Variants in SV2B observed in about 807,000 individuals in gnomAD.
SV2B encodes solute carrier family 22 member B2.
Under a neutral mutation model 73.9 loss-of-function variants are expected in SV2B, and 41 were observed. The ratio of observed to expected loss-of-function variants is 0.56; its 90% confidence interval spans 0.43 to 0.72. SV2B has a LOEUF of 0.72. Among genes scored for constraint, SV2B ranks in the 30% least tolerant of loss-of-function variants. The pLI, the probability that SV2B is intolerant of heterozygous loss-of-function variation, is 0.00. For missense variants in SV2B, 764 were observed against 857.8 expected (o/e 0.89, Z 1.37); for synonymous variants, 314 against 314.2 (o/e 1.00, Z 0.01).
rs1389096163 is a variant in SV2B at position 91,130,108 on chromosome 15, T to C, written c.-392+29745T>C. ...CGTGCCAAGGCCTGAACCTGAACAG[T>C]GGTAGGAGAAAGGAAAGGAGAGATG... is the stretch of plus-strand genomic sequence containing the variant. On this transcript the variant is annotated intron_variant, in intron 1 of 12. Transcript: ENST00000394232. The surrounding 1 kb of genome is among the most constrained non-coding windows in gnomAD (Gnocchi z 5.6). Among the ~76,000 whole-genome samples, 1 of 151,414 alleles carries C rather than the reference T, an allele frequency of 6.6e-6. No individual in the cohort carries two copies. The highest frequency in any genetic ancestry group is 2.4e-5 in the African/African-American group (1 of 40,992).
At position 91,251,901 on chromosome 15, in the gene SV2B, C is replaced by T; in HGVS notation, c.534C>T (p.Leu178=). Reference sequence around the variant, plus strand: ...ATAAGCTGGGAAGGAAGCGAGTCCTCAGCATGTCTCTGGCCGTCAATGCCT... The same window carrying T: ...ATAAGCTGGGAAGGAAGCGAGTCCTTAGCATGTCTCTGGCCGTCAATGCCT... ...LADKLGRKRV[L]SMSLAVNASF... is the part of the protein sequence containing the mutation. The change falls in exon 3 of 13, where the codon CTC becomes CTT. Residue 178 remains leucine, a synonymous_variant. Transcript: ENST00000394232. 1 of 1,614,186 alleles carries T rather than the reference C, an allele frequency of 6.2e-7. No homozygotes were observed. Among genetic ancestry groups the T allele is most frequent in the Non-Finnish European group, 8.5e-7 (1 of 1,180,032 alleles).
chr15:91,194,390 G>T (rs1306927927), intron 1 of SV2B, among the ~76,000 whole-genome samples: 2 of 152,172 alleles, frequency 1.3e-5, no homozygotes, highest in Non-Finnish European at 2.9e-5. Flanking sequence ...GCATAATTGG[G>T]TTGCTTCCAG....
At position 91,245,525 on chromosome 15, in the gene SV2B, G is replaced by T. The variant is rs866712086; in HGVS notation, c.452-6294G>T. On this transcript the variant is annotated intron_variant, in intron 2 of 12. Coordinates refer to ENST00000394232, the MANE Select transcript of SV2B (RefSeq NM_001323032.3). This position sits in a 1 kb window ranked among gnomAD's most constrained non-coding sequence, Gnocchi z 4.2. ...CTTTACCTTTTATACATTTTGGGGGGTATTCCTCAGATTTTCTTACAGTGA... is the reference window on the plus strand; with the variant it reads ...CTTTACCTTTTATACATTTTGGGGGTTATTCCTCAGATTTTCTTACAGTGA... Among the ~76,000 whole-genome samples, 1 of 152,152 alleles carries T rather than the reference G, an allele frequency of 6.6e-6. No homozygotes were observed. The highest frequency in any genetic ancestry group is 1.5e-5 in the Non-Finnish European group (1 of 68,026).
At chr15:91,218,528 A>G (rs373057809) in intron 1 of SV2B, among the ~76,000 whole-genome samples, 1 of 152,288 alleles carries the variant, frequency 6.6e-6, no homozygotes, top group East Asian at 1.9e-4. Flanking sequence ...GCTGACACAT[A>G]TGAATATCTC....
chr15:91,199,137 TTC>T (rs1005702359), intron 1 of SV2B, among the ~76,000 whole-genome samples: 13 of 152,076 alleles, frequency 8.5e-5, no homozygotes, highest in African/African-American at 2.4e-4. Flanking sequence ...GTAGATGGGA[TTC>T]TAGGTGTGTG....
chr15:91,121,899 C>T lies in SV2B; in HGVS notation c.-392+21536C>T, dbSNP rs1264777036. ...ACGCCATTCTCCTGCCTCAGCCTCC[C>T]GAGTAGCTGGGACTACAGGTGCCTG... On this transcript the variant is annotated intron_variant, in intron 1 of 12. Coordinates refer to ENST00000394232, the MANE Select transcript of SV2B (RefSeq NM_001323032.3). The surrounding 1 kb of genome is among the most constrained non-coding windows in gnomAD (Gnocchi z 4.4). 3.9e-5 allele frequency among the ~76,000 whole-genome samples: 6 copies of T among 151,900 alleles called. No homozygotes were observed. The highest frequency in any genetic ancestry group is 1.3e-4 in the Admixed American group (2 of 15,254).
chr15:91,157,874 T>C (rs2892181), intron 1 of SV2B, among the ~76,000 whole-genome samples: 40,252 of 152,128 alleles, frequency 0.26, 6,119 homozygotes, highest in East Asian at 0.65. Flanking sequence ...AAATACTCTG[T>C]GTGCCTCCCA....
At position 91,252,120 on chromosome 15, in the gene SV2B, C is replaced by T; in HGVS notation, c.632+121C>T. 7.5e-7 allele frequency: 1 copy of T among 1,329,420 alleles called. No homozygotes were observed. The highest frequency in any genetic ancestry group is 1.0e-6 in the Non-Finnish European group (1 of 978,332). The allele number at this position is 1,329,420 out of a possible 1,614,324, so 82.4% of individuals were successfully genotyped here. On this transcript the variant is annotated intron_variant, in intron 3 of 12. Transcript: ENST00000394232. The surrounding 1 kb of genome is among the most constrained non-coding windows in gnomAD (Gnocchi z 4.6). ...ACTGACTGAGTTTTTGTTTGACTTTCAGGATACTATATTAAAGTTGAACCT... is the reference window on the plus strand; with the variant it reads ...ACTGACTGAGTTTTTGTTTGACTTTTAGGATACTATATTAAAGTTGAACCT...
At chr15:91,286,923 C>T (rs892149410) in intron 11 of SV2B, among the ~76,000 whole-genome samples, 1 of 152,096 alleles carries the variant, frequency 6.6e-6, no homozygotes, top group African/African-American at 2.4e-5. Flanking sequence ...GGAAGGCCTC[C>T]CTGACTATTA....
In SV2B at chr15:91,121,431, AC is replaced by A. The variant is rs1327582246; in HGVS notation, c.-392+21070del. ...CAGCCAAGACCCAGTGACAGAGCAA[AC>A]CTTCAATTATTATTACTGTTTCTAT... On this transcript the variant is annotated intron_variant, in intron 1 of 12. Coordinates refer to ENST00000394232, the MANE Select transcript of SV2B (RefSeq NM_001323032.3). The surrounding 1 kb of genome is among the most constrained non-coding windows in gnomAD (Gnocchi z 4.4). Among the ~76,000 whole-genome samples the A allele has an allele frequency of 6.6e-6, 1 of 152,078 alleles. No individual in the cohort carries two copies. The highest frequency in any genetic ancestry group is 1.5e-5 in the Non-Finnish European group (1 of 68,004).
At position 91,253,376 on chromosome 15, in the gene SV2B, G is replaced by T. The variant is rs2047564630; in HGVS notation, c.784+856G>T. 6.6e-6 allele frequency among the ~76,000 whole-genome samples: 1 copy of T among 152,176 alleles called. No individual in the cohort carries two copies. Among genetic ancestry groups the T allele is most frequent in the African/African-American group, 2.4e-5 (1 of 41,440 alleles). On this transcript the variant is annotated intron_variant, in intron 4 of 12. Coordinates refer to ENST00000394232, the MANE Select transcript of SV2B (RefSeq NM_001323032.3). The surrounding 1 kb of genome is among the most constrained non-coding windows in gnomAD (Gnocchi z 5.0). ...ACTGATAGTTTACCACCTATTTATTGTCTTGTTTTAAATATGACCCTCTCT... is the reference window on the plus strand; with the variant it reads ...ACTGATAGTTTACCACCTATTTATTTTCTTGTTTTAAATATGACCCTCTCT...
chr15:91,249,699 C>T (rs1045821681), intron 2 of SV2B, among the ~76,000 whole-genome samples: 2 of 152,126 alleles, frequency 1.3e-5, no homozygotes, highest in African/African-American at 2.4e-5. Context: ...ACTGATACCA[C>T]AGAAATATGA....
At position 91,294,303 on chromosome 15, in the gene SV2B, C is replaced by A. The variant is rs2049146118; in HGVS notation, c.*1751C>A. ...GTTGGTAGGGGTAAATCTTATGACA[C>A]CTTTCCACCGTCGATTTGAGATCAG... On this transcript the variant is annotated 3_prime_UTR_variant, in exon 13 of 13. Transcript: ENST00000394232. This position sits in a 1 kb window ranked among gnomAD's most constrained non-coding sequence, Gnocchi z 4.1. The A allele has an allele frequency of 6.6e-6, 1 of 152,136 alleles. No individual in the cohort carries two copies. The highest frequency in any genetic ancestry group is 2.4e-5 in the African/African-American group (1 of 41,428). 9.4% of individuals were successfully genotyped at this position (152,136 alleles called of 1,614,324 possible).
At chr15:91,260,713 G>C (rs1288841328) in intron 6 of SV2B, among the ~76,000 whole-genome samples, 1 of 152,072 alleles carries the variant, frequency 6.6e-6, no homozygotes, top group Non-Finnish European at 1.5e-5. Flanking sequence ...CCCGAGACTG[G>C]GAAGAAAAAG....
rs2046481748 is a variant in SV2B at position 91,229,256 on chromosome 15, A to C, written c.451+2542A>C. ...AGGGTTTGGCGACTGGGTACGTCCT[A>C]CATGTCATCGATCTGCTAGTGACCT... On this transcript the variant is annotated intron_variant, in intron 2 of 12. Transcript: ENST00000394232. This position sits in a 1 kb window ranked among gnomAD's most constrained non-coding sequence, Gnocchi z 4.3. Among the ~76,000 whole-genome samples the C allele has an allele frequency of 6.6e-6, 1 of 151,900 alleles. No homozygotes were observed. Among genetic ancestry groups the C allele is most frequent in the African/African-American group, 2.4e-5 (1 of 41,322 alleles).
At chr15:91,126,814 A>G (rs2042497244) in intron 1 of SV2B, among the ~76,000 whole-genome samples, 1 of 152,262 alleles carries the variant, frequency 6.6e-6, no homozygotes, top group Non-Finnish European at 1.5e-5. Flanking sequence ...CCTTTTCATA[A>G]TAAAAATACT....
intron 1 of SV2B, among the ~76,000 whole-genome samples, chr15:91,107,504 G>T (rs2041919126): frequency 6.6e-6 from 1 of 151,896 alleles, no homozygotes; most frequent in African/African-American, 2.4e-5. Context: ...GTAGAGACGG[G>T]GTTTTACCAT....
At chr15:91,189,169 T>C (rs371150353) in intron 1 of SV2B, among the ~76,000 whole-genome samples, 19 of 152,076 alleles carry the variant, frequency 1.2e-4, no homozygotes, top group Non-Finnish European at 2.2e-4. Flanking sequence ...CATTTTTTTT[T>C]CCACCTCTTA....
In SV2B at chr15:91,294,801, T is replaced by C. The variant is rs1302284937; in HGVS notation, c.*2249T>C. 1.3e-5 allele frequency: 2 copies of C among 152,246 alleles called. No individual in the cohort carries two copies. The highest frequency in any genetic ancestry group is 4.8e-5 in the African/African-American group (2 of 41,436). The allele number at this position is 152,246 out of a possible 1,614,324, so 9.4% of individuals were successfully genotyped here. A position where few individuals can be genotyped will look rare whatever the true frequency, so the allele number is the denominator to read the frequency against. On this transcript the variant is annotated 3_prime_UTR_variant, in exon 13 of 13. Transcript: ENST00000394232. The surrounding 1 kb of genome is among the most constrained non-coding windows in gnomAD (Gnocchi z 4.1). The stretch of plus-strand genomic sequence containing the variant: ...TAATTTGGGGGCTAACTCCATTTGG[T>C]TTCCAAGATCTCACTTCTGCATTAT...
Sources: gnomAD v4.1 joint callset for allele counts (sites outside exome capture counted in the v4.1 genomes callset) on GRCh38, gnomAD v4.1.1 for gene constraint, Gnocchi (gnomAD v3.1) non-coding constraint, MANE v1.5 for transcripts, NCBI Gene and HGNC (gene_info 2026-07-23, HGNC 2026-07-21) for gene names.